Variants in PITPNC1 observed in about 807,000 individuals in gnomAD.
PITPNC1 encodes the protein phosphatidylinositol transfer protein cytoplasmic 1.
PITPNC1 carries 18 observed loss-of-function variants against 44.7 expected under a neutral mutation model. The ratio of observed to expected loss-of-function variants is 0.40; its 90% CI spans 0.28 to 0.60. PITPNC1 has a LOEUF of 0.60. PITPNC1 is among the 20% of genes least tolerant of loss of function. PITPNC1 has a pLI of 0.39. For missense variants in PITPNC1, 290 were observed against 418.4 expected, an observed-to-expected ratio of 0.69 and a Z score of 2.68; for synonymous variants, 141 against 149.6, an observed-to-expected ratio of 0.94 and a Z score of 0.42.
intron 2 of PITPNC1, among the ~76,000 whole-genome samples, chr17:67,545,110 G>C (rs1410815526): frequency 6.6e-6 from 1 of 151,762 alleles, no homozygotes; most frequent in Non-Finnish European, 1.5e-5. Context: ...CCAGGAGTTC[G>C]AGACAAGCCT....
chr17:67,495,037 G>GGTGTTTTTTTTTTTT, intron 1 of PITPNC1, among the ~76,000 whole-genome samples: 1 of 79,376 alleles, frequency 1.3e-5, no homozygotes, highest in Non-Finnish European at 2.4e-5. Flanking sequence ...GAGCCATGGA[G>GGTGTTTTTTTTTTTT]TTGTTTTTTT....
At chr17:67,434,265 CA>C (rs1443676748) in intron 1 of PITPNC1, among the ~76,000 whole-genome samples, 2 of 152,182 alleles carry the variant, frequency 1.3e-5, no homozygotes, top group East Asian at 3.9e-4. Flanking sequence ...TGTGCCCACA[CA>C]AGATTACCAG....
At chr17:67,411,435 G>T (rs1255996995) in intron 1 of PITPNC1, among the ~76,000 whole-genome samples, 2 of 152,160 alleles carry the variant, frequency 1.3e-5, no homozygotes, top group Admixed American at 6.6e-5. Context: ...CTAGAAGGTG[G>T]TTGGGCCGGG....
At chr17:67,523,973 G>A (rs576764137) in intron 1 of PITPNC1, among the ~76,000 whole-genome samples, 66 of 151,876 alleles carry the variant, frequency 4.3e-4, no homozygotes, top group Admixed American at 1.2e-3. Flanking sequence ...CACCACGCCC[G>A]GCTAATTTTT....
intron 1 of PITPNC1, among the ~76,000 whole-genome samples, chr17:67,478,389 C>T (rs938155118): frequency 2.0e-5 from 3 of 152,152 alleles, no homozygotes; most frequent in Admixed American, 1.3e-4. Context: ...TTTTGGGTAG[C>T]GCCTAAAAGA....
At chr17:67,478,190 C>T (rs2039656985) in intron 1 of PITPNC1, among the ~76,000 whole-genome samples, 1 of 152,150 alleles carries the variant, frequency 6.6e-6, no homozygotes, top group African/African-American at 2.4e-5. Flanking sequence ...CTCTGGGCAG[C>T]CTTTGGTGTT....
At chr17:67,563,048 C>A (rs1276214719) in intron 4 of PITPNC1, among the ~76,000 whole-genome samples, 1 of 152,154 alleles carries the variant, frequency 6.6e-6, no homozygotes, top group African/African-American at 2.4e-5. Flanking sequence ...AGATAATAAG[C>A]CCTAAACTCT....
intron 5 of PITPNC1, among the ~76,000 whole-genome samples, chr17:67,590,088 G>A (rs1228433621): frequency 2.0e-5 from 3 of 152,180 alleles, no homozygotes; most frequent in Admixed American, 2.0e-4. Context: ...GAGATGGTGA[G>A]AGAAGCACTA....
At chr17:67,521,250 G>A (rs1395035895) in intron 1 of PITPNC1, among the ~76,000 whole-genome samples, 2 of 152,116 alleles carry the variant, frequency 1.3e-5, no homozygotes, top group Admixed American at 6.5e-5. Context: ...AAGCATCAGC[G>A]TCCAATACAG....
intron 1 of PITPNC1, among the ~76,000 whole-genome samples, chr17:67,427,206 A>T (rs1175391522): frequency 1.3e-5 from 2 of 151,760 alleles, no homozygotes; most frequent in African/African-American, 2.4e-5. Context: ...ATACTTTCTC[A>T]CTATTTATTT....
At chr17:67,395,170 CTT>C (rs902427835) in intron 1 of PITPNC1, among the ~76,000 whole-genome samples, 36 of 140,842 alleles carry the variant, frequency 2.6e-4, no homozygotes, top group Non-Finnish European at 2.5e-4. Flanking sequence ...CAGGTTTTTT[CTT>C]TTTTTTTTTT....
chr17:67,675,960 A>C (rs1210822006), intron 8 of PITPNC1, among the ~76,000 whole-genome samples: 1 of 152,186 alleles, frequency 6.6e-6, no homozygotes, highest in Non-Finnish European at 1.5e-5. Context: ...TAATCCCAGC[A>C]CTTTGGGAGG....
chr17:67,607,809 A>G (rs1340048520), intron 5 of PITPNC1, among the ~76,000 whole-genome samples: 1 of 150,670 alleles, frequency 6.6e-6, no homozygotes, highest in Non-Finnish European at 1.5e-5. Flanking sequence ...GCTCACTGCA[A>G]CCTCTGCCTC....
chr17:67,572,471 G>GGC (rs1555668916), intron 4 of PITPNC1, among the ~76,000 whole-genome samples: 7 of 109,760 alleles, frequency 6.4e-5, no homozygotes, highest in South Asian at 3.8e-4. Flanking sequence ...GGTAAAGCGG[G>GGC]GGGGGGGGGT....
chr17:67,552,582 A>G (rs1161449628), intron 3 of PITPNC1, among the ~76,000 whole-genome samples: 2 of 152,014 alleles, frequency 1.3e-5, no homozygotes, highest in Non-Finnish European at 2.9e-5. Context: ...TAGAGTTACA[A>G]TAAATAGTTT....
intron 6 of PITPNC1, among the ~76,000 whole-genome samples, chr17:67,647,282 A>G (rs139348125): frequency 0.026 from 3,882 of 152,082 alleles, 44 homozygotes; most frequent in Middle Eastern, 0.041. Flanking sequence ...ATTAGAGAAT[A>G]GAAACCTTTT....
chr17:67,438,381 A>T (rs960763246), intron 1 of PITPNC1, among the ~76,000 whole-genome samples: 4 of 143,570 alleles, frequency 2.8e-5, no homozygotes, highest in Non-Finnish European at 6.0e-5. Context: ...CAGTGGTGTG[A>T]TCTCCGCTAC....
At chr17:67,600,305 A>AAGCCT (rs1158725263) in intron 5 of PITPNC1, among the ~76,000 whole-genome samples, 2 of 152,056 alleles carry the variant, frequency 1.3e-5, no homozygotes, top group African/African-American at 2.4e-5. Context: ...CTCAAAAACG[A>AAGCCT]CCCCGCAAAT....
chr17:67,428,932 C>T (rs1029876485), intron 1 of PITPNC1, among the ~76,000 whole-genome samples: 4 of 148,620 alleles, frequency 2.7e-5, no homozygotes, highest in Non-Finnish European at 5.9e-5. Context: ...CCTCTGCCTC[C>T]CGGGTTCAAG....
Sources: allele counts gnomAD v4.1 joint callset (sites outside exome capture counted in the v4.1 genomes callset), GRCh38; gene constraint gnomAD v4.1.1; transcripts MANE v1.5; gene names NCBI Gene and HGNC (gene_info 2026-07-23, HGNC 2026-07-21).